The following ABCB11 variants were observed in gnomAD, a reference collection of about 807,000 sequenced individuals.
The protein encoded by ABCB11 is ATP binding cassette subfamily B member 11.
Under a neutral mutation model 148.0 loss-of-function variants are expected in ABCB11, and 95 were observed. The ratio of observed to expected loss-of-function variants is 0.64; its 90% CI spans 0.54 to 0.76. ABCB11 has a LOEUF of 0.76. Ranked by LOEUF, ABCB11 falls within the 30% of genes least tolerant of loss-of-function variation. The probability of loss-of-function intolerance (pLI) is 0.00; values close to 1 mark genes in which losing one functional copy is unlikely to be tolerated. For synonymous variants in ABCB11, 591 were observed against 555.4 expected (o/e 1.06, Z -0.90); for missense variants, 1,523 against 1,617.8 (o/e 0.94, Z 1.01).
chr2:169,027,819 G>A (rs747308728), intron 1 of ABCB11, among the ~76,000 whole-genome samples: 26 of 152,120 alleles, frequency 1.7e-4, no homozygotes, highest in Non-Finnish European at 3.1e-4. Flanking sequence ...GGGGATGTCA[G>A]CCTGGAGCAA....
chr2:169,021,359 ATG>A lies in ABCB11; in HGVS notation c.-27-3209_-27-3208del, dbSNP rs60418508. The stretch of plus-strand genomic sequence containing the variant: ...AAAAGGATACGTCATGCAAATACTG[ATG>A]TCTCAAAGCTGTTATGTTAATGTCA... On this transcript the variant is annotated intron_variant, in intron 1 of 27. Transcript: ENST00000650372. 0.015 allele frequency among the ~76,000 whole-genome samples: 2,231 copies of A among 152,292 alleles called. 234 individuals carry two copies. In the East Asian group the frequency reaches 0.29, roughly 20 times the overall value.
At chr2:168,993,931 A>G (rs1694631632) in intron 7 of ABCB11, 49 bp from the exon 8 acceptor site, 1 of 1,450,128 alleles carries the variant, frequency 6.9e-7, no homozygotes, top group Non-Finnish European at 9.5e-7. Flanking sequence ...TGATCATTCA[A>G]ATATCTTGCT....
Position 169,023,908 on chromosome 2 carries a change from A to T in ABCB11, c.-27-5756T>A, listed in dbSNP as rs192912409. Among the ~76,000 whole-genome samples the T allele has an allele frequency of 1.7e-3, 255 of 152,296 alleles. 1 individual carries two copies. The highest frequency in any genetic ancestry group is 3.4e-3 in the Middle Eastern group (1 of 294). On this transcript the variant is annotated intron_variant, in intron 1 of 27. Transcript: ENST00000650372. ...TTCCAGCAAGTATGGCATAGGGTTT[A>T]AGATACGATAAAGTTGGAAGGAGGT...
intron 5 of ABCB11, among the ~76,000 whole-genome samples, chr2:169,004,887 C>T (rs59519283): frequency 0.022 from 3,354 of 152,188 alleles, 117 homozygotes; most frequent in African/African-American, 0.077. Context: ...ATGGGGCTTC[C>T]GGTAAGCTAA....
Position 168,958,145 on chromosome 2 carries a change from G to T in ABCB11, c.2179-17C>A, listed in dbSNP as rs853772. 844,544 of 1,605,162 alleles carry T rather than the reference G, an allele frequency of 0.53. 226,548 individuals are homozygous for T. Among genetic ancestry groups the T allele is most frequent in the South Asian group, 0.65 (59,221 of 90,764 alleles). ...GTCCTTGTCCTTGAGCAGAGAGAGG[G>T]TTATATTAATCATCTAAATGTACTC... On this transcript the variant is annotated splice_polypyrimidine_tract_variant and intron_variant, in intron 18 of 27. Coordinates refer to ENST00000650372, the MANE Select transcript of ABCB11 (RefSeq NM_003742.4).
At chr2:168,987,428 C>T (rs1440335718) in intron 9 of ABCB11, among the ~76,000 whole-genome samples, 1 of 152,048 alleles carries the variant, frequency 6.6e-6, no homozygotes, top group Admixed American at 6.6e-5. Context: ...TATAACTTTT[C>T]AACACTAATT....
chr2:168,932,879 G>T (rs1349357357), intron 23 of ABCB11, among the ~76,000 whole-genome samples: 4 of 152,076 alleles, frequency 2.6e-5, no homozygotes, highest in Admixed American at 2.6e-4. Flanking sequence ...GGAGGCCGAG[G>T]CGGGCGGATC....
At chr2:168,927,520 C>T (rs1691371771) in intron 25 of ABCB11, among the ~76,000 whole-genome samples, 158 bp from the exon 26 acceptor site, 1 of 152,140 alleles carries the variant, frequency 6.6e-6, no homozygotes, top group African/African-American at 2.4e-5. Flanking sequence ...TTGCCTTTGA[C>T]CTCTGGATGT....
At chr2:169,019,656 C>T (rs1299145763) in intron 1 of ABCB11, among the ~76,000 whole-genome samples, 1 of 152,148 alleles carries the variant, frequency 6.6e-6, no homozygotes, top group Non-Finnish European at 1.5e-5. Flanking sequence ...CAGTTGCAAC[C>T]TGTGTTGTTC....
intron 13 of ABCB11, 45 bp from the exon 14 acceptor site, chr2:168,972,095 G>A (rs369597690): frequency 1.9e-6 from 3 of 1,557,798 alleles, no homozygotes; most frequent in Admixed American, 1.8e-5. Context: ...AATCTTTCAG[G>A]GTTCTGAATC....
At position 168,935,244 on chromosome 2, in the gene ABCB11, G is replaced by A; in HGVS notation, c.2996C>T (p.Ser999Phe). The change falls in exon 23 of 28, where the codon TCC becomes TTC. Residue 999 changes from serine (S) to phenylalanine (F), a missense_variant. Transcript: ENST00000650372. Reference protein sequence around the residue: ...QCIMFIANSASYRYGGYLISN... With the variant: ...QCIMFIANSAFYRYGGYLISN... ...GATTAAGTAACCTCCATATCTGTAG[G>A]AAGCAGAATTCGCAATAAACATGAT... The A allele has an allele frequency of 6.2e-7, 1 of 1,613,998 alleles. No homozygotes were observed.
At chr2:169,013,558 G>A in intron 4 of ABCB11, 48 bp from the exon 5 acceptor site, 1 of 1,470,738 alleles carries the variant, frequency 6.8e-7, no homozygotes, top group African/African-American at 1.4e-5. Context: ...AAGAGCAGGA[G>A]AGGTAGGAGG....
chr2:168,960,583 A>G (rs1306417893), intron 18 of ABCB11, among the ~76,000 whole-genome samples: 5 of 151,690 alleles, frequency 3.3e-5, no homozygotes, highest in Non-Finnish European at 5.9e-5. Context: ...TCCAAGAGAC[A>G]CTAACAAGAA....
chr2:168,990,736 G>C (rs1026779285), intron 9 of ABCB11, 65 bp downstream of exon 9: 3 of 1,597,770 alleles, frequency 1.9e-6, no homozygotes, highest in East Asian at 4.5e-5. Context: ...TGCACAAACT[G>C]AGAGACTCAG....
downstream of ABCB11, among the ~76,000 whole-genome samples, chr2:168,918,477 G>T (rs1175021974): frequency 6.6e-6 from 1 of 152,192 alleles, no homozygotes; most frequent in Admixed American, 6.5e-5. Flanking sequence ...CATAACAGAT[G>T]CATGCATGTA....
intron 18 of ABCB11, among the ~76,000 whole-genome samples, chr2:168,963,186 A>G (rs987777582): frequency 1.3e-5 from 2 of 151,776 alleles, no homozygotes; most frequent in Non-Finnish European, 2.9e-5. Flanking sequence ...GCTTTGATAA[A>G]TCTTGCAGTT....
At position 168,923,416 on chromosome 2, in the gene ABCB11, T is replaced by A; in HGVS notation, c.*206A>T. 1.6e-6 allele frequency: 1 copy of A among 614,982 alleles called. No homozygotes were observed. Among genetic ancestry groups the A allele is most frequent in the Non-Finnish European group, 2.9e-6 (1 of 350,750 alleles). The allele number at this position is 614,982 out of a possible 1,614,324, so 38.1% of individuals were successfully genotyped here. A position where few individuals can be genotyped will look rare whatever the true frequency, so the allele number is the denominator to read the frequency against. ...ACCCTAGTTTCTTTCATTTTCTGTA[T>A]ACACATCTAAAGCAGAATTATTATG... On this transcript the variant is annotated 3_prime_UTR_variant, in exon 28 of 28. Transcript: ENST00000650372.
At chr2:168,987,293 G>T (rs758890206) in intron 9 of ABCB11, among the ~76,000 whole-genome samples, 1 of 152,012 alleles carries the variant, frequency 6.6e-6, no homozygotes, top group Non-Finnish European at 1.5e-5. Flanking sequence ...AGCATGGCAC[G>T]TAGTAAGTAC....
At chr2:169,017,980 G>T in intron 2 of ABCB11, 70 bp downstream of exon 2, 2 of 1,334,130 alleles carry the variant, frequency 1.5e-6, no homozygotes, top group South Asian at 1.2e-5. Context: ...CTTGAAACTT[G>T]ACCAGCTTGT....
Sources: gnomAD v4.1 joint callset for allele counts (sites outside exome capture counted in the v4.1 genomes callset) on GRCh38, gnomAD v4.1.1 for gene constraint, MANE v1.5 for transcripts, NCBI Gene and HGNC (gene_info 2026-07-23, HGNC 2026-07-21) for gene names.